Variants in INVS observed in about 807,000 individuals in gnomAD.
INVS encodes inversin, also known as inversion of embryo turning homolog.
INVS carries 86 observed loss-of-function variants against 108.8 expected under a neutral mutation model. That is an observed-to-expected ratio of 0.79 (90% CI 0.66 to 0.95). The LOEUF (loss-of-function observed/expected upper bound fraction) is 0.95. INVS is among the 40% of genes least tolerant of loss of function. The pLI is 0.00. For synonymous variants in INVS, 455 were observed against 473.5 expected, an observed-to-expected ratio of 0.96 and a Z score of 0.51; for missense variants, 1,169 against 1,297.4, an observed-to-expected ratio of 0.90 and a Z score of 1.52.
chr9:100,213,956 A>T (rs1180131415), intron 3 of INVS, among the ~76,000 whole-genome samples: 1 of 152,172 alleles, frequency 6.6e-6, no homozygotes, highest in Non-Finnish European at 1.5e-5. Flanking sequence ...CTTCAGGCCC[A>T]TGGTAGATTG....
intron 3 of INVS, among the ~76,000 whole-genome samples, chr9:100,174,583 A>G (rs1035940010): frequency 2.0e-5 from 3 of 152,186 alleles, no homozygotes; most frequent in African/African-American, 4.8e-5. Flanking sequence ...ACATTTAAAT[A>G]TTCAAGAAAC....
At chr9:100,188,761 G>T (rs1440977825) in intron 3 of INVS, among the ~76,000 whole-genome samples, 1 of 150,720 alleles carries the variant, frequency 6.6e-6, no homozygotes, top group Non-Finnish European at 1.5e-5. Context: ...CAGTAATATT[G>T]ATACCAATTT....
At chr9:100,125,810 C>T (rs1478986370) in intron 2 of INVS, among the ~76,000 whole-genome samples, 2 of 151,790 alleles carry the variant, frequency 1.3e-5, no homozygotes, top group Non-Finnish European at 1.5e-5. Context: ...CTCAACCTCC[C>T]GAGTAGCTGG....
intron 13 of INVS, among the ~76,000 whole-genome samples, chr9:100,285,258 C>T (rs1833404493): frequency 6.6e-6 from 1 of 152,166 alleles, no homozygotes; most frequent in Non-Finnish European, 1.5e-5. Context: ...TTCCTTTTGG[C>T]TTCCATGGTT....
intron 10 of INVS, among the ~76,000 whole-genome samples, chr9:100,259,314 A>G (rs572269810): frequency 2.0e-5 from 3 of 152,122 alleles, no homozygotes; most frequent in South Asian, 2.1e-4. Flanking sequence ...TCCAGGTACC[A>G]TCTGTCACGG....
At chr9:100,103,091 G>T (rs1827053891) in intron 1 of INVS, among the ~76,000 whole-genome samples, 1 of 152,154 alleles carries the variant, frequency 6.6e-6, no homozygotes, top group African/African-American at 2.4e-5. Flanking sequence ...GACCTCAGGT[G>T]ATCTGCCCGC....
Position 100,157,040 on chromosome 9 carries a change from T to G in INVS, c.273+30491T>G, listed in dbSNP as rs572666511. ...TTCATTGTTAAATATAATCTATTTT[T>G]CATACAGTGGAATACTTTTTAGCCA... is the stretch of plus-strand genomic sequence containing the variant. On this transcript the variant is annotated intron_variant, in intron 3 of 16. Transcript: ENST00000262457. 1.3e-4 allele frequency among the ~76,000 whole-genome samples: 20 copies of G among 151,554 alleles called. 1 individual carries two copies. In the South Asian group the frequency reaches 4.0e-3, roughly 30 times the overall value.
intron 3 of INVS, among the ~76,000 whole-genome samples, chr9:100,131,331 T>C (rs1310130463): frequency 6.6e-6 from 1 of 152,206 alleles, no homozygotes. Context: ...TTTAAAAATA[T>C]ATATGTTTGT....
intron 10 of INVS, among the ~76,000 whole-genome samples, chr9:100,264,094 G>A (rs964748887): frequency 1.3e-5 from 2 of 152,220 alleles, no homozygotes; most frequent in South Asian, 4.1e-4. Flanking sequence ...TTAACACTAT[G>A]AAGTGTCCCT....
intron 2 of INVS, among the ~76,000 whole-genome samples, chr9:100,112,283 A>G (rs1305542675): frequency 6.6e-6 from 1 of 152,178 alleles, no homozygotes; most frequent in Non-Finnish European, 1.5e-5. Context: ...GGGGATATAT[A>G]CTTTCAATTT....
chr9:100,295,516 C>T (rs568244724), intron 14 of INVS, among the ~76,000 whole-genome samples: 1 of 152,216 alleles, frequency 6.6e-6, no homozygotes, highest in East Asian at 1.9e-4. Flanking sequence ...GATAGCAAAC[C>T]TAAGCAGTGA....
At chr9:100,141,893 G>T (rs577933383) in intron 3 of INVS, among the ~76,000 whole-genome samples, 1 of 152,318 alleles carries the variant, frequency 6.6e-6, no homozygotes. Flanking sequence ...GGCCTGTGAG[G>T]CTGGAAGGAG....
rs991955177 is a variant in INVS, at chr9:100,301,992, C to T, written c.*1318C>T. On this transcript the variant is annotated 3_prime_UTR_variant, in exon 17 of 17. Transcript: ENST00000262457. ...TGCACAACCGCCTATGACCATGTAT[C>T]GTGTGCTAGTCCGGGAAGCCAGCCT... 1.1e-5 allele frequency: 5 copies of T among 450,462 alleles called. No individual in the cohort carries two copies. The highest frequency in any genetic ancestry group is 3.2e-5 in the East Asian group (1 of 30,926). 27.9% of individuals were successfully genotyped at this position (450,462 alleles called of 1,614,324 possible). A position where few individuals can be genotyped will look rare whatever the true frequency, so the allele number is the denominator to read the frequency against.
chr9:100,152,512 C>T (rs1034064868), intron 3 of INVS, among the ~76,000 whole-genome samples: 2 of 152,128 alleles, frequency 1.3e-5, no homozygotes, highest in South Asian at 2.1e-4. Flanking sequence ...TAAATTATGT[C>T]GTCAGTATTA....
chr9:100,237,230 G>A (rs977785868), intron 5 of INVS, among the ~76,000 whole-genome samples: 2 of 152,158 alleles, frequency 1.3e-5, no homozygotes, highest in Admixed American at 6.5e-5. Context: ...GGCATCCCAG[G>A]TTGACTTCAG....
intron 3 of INVS, among the ~76,000 whole-genome samples, chr9:100,225,496 A>G (rs1831288377): frequency 1.3e-5 from 2 of 152,206 alleles, no homozygotes; most frequent in South Asian, 4.1e-4. Flanking sequence ...TCACCTGTAA[A>G]TTGGGATTTA....
chr9:100,158,947 CTT>C (rs1829087978), intron 3 of INVS, among the ~76,000 whole-genome samples: 2 of 152,148 alleles, frequency 1.3e-5, no homozygotes, highest in Non-Finnish European at 2.9e-5. Context: ...CTCTCTCTCT[CTT>C]GCCTGCTGTC....
At chr9:100,140,300 G>GA (rs1276141011) in intron 3 of INVS, among the ~76,000 whole-genome samples, 3 of 152,112 alleles carry the variant, frequency 2.0e-5, no homozygotes, top group African/African-American at 7.2e-5. Flanking sequence ...AAGATGGGGT[G>GA]GAGCTGTTTT....
At chr9:100,179,969 C>A (rs771983670) in intron 3 of INVS, among the ~76,000 whole-genome samples, 1 of 152,170 alleles carries the variant, frequency 6.6e-6, no homozygotes, top group Non-Finnish European at 1.5e-5. Flanking sequence ...CAAATTGGAA[C>A]TCAGGATTAA....
Sources: gnomAD v4.1 joint callset for allele counts (sites outside exome capture counted in the v4.1 genomes callset) on GRCh38, gnomAD v4.1.1 for gene constraint, MANE v1.5 for transcripts, NCBI Gene and HGNC (gene_info 2026-07-23, HGNC 2026-07-21) for gene names.